FNBP1: variants seen among roughly 807,000 people sequenced by gnomAD.
FNBP1 encodes formin-binding protein 1.
Under a neutral mutation model 90.6 loss-of-function variants are expected in FNBP1, and 26 were observed. That is an observed-to-expected ratio of 0.29 (90% CI 0.21 to 0.40). FNBP1 has a LOEUF of 0.40. Ranked by LOEUF, FNBP1 falls within the 10% of genes least tolerant of loss-of-function variation. The pLI, the probability that FNBP1 is intolerant of heterozygous loss-of-function variation, is 1.00. For synonymous variants in FNBP1, 260 were observed against 265.2 expected (o/e 0.98, Z 0.19); for missense variants, 635 against 768.0 (o/e 0.83, Z 2.05).
chr9:129,897,176 T>C (rs1277408974), intron 15 of FNBP1, among the ~76,000 whole-genome samples: 2 of 152,186 alleles, frequency 1.3e-5, no homozygotes, highest in East Asian at 3.8e-4. Context: ...TTGGATTTCC[T>C]CTCCTTTTTG....
At chr9:129,908,375 T>C (rs1222897541) in intron 12 of FNBP1, among the ~76,000 whole-genome samples, 1 of 150,194 alleles carries the variant, frequency 6.7e-6, no homozygotes, top group African/African-American at 2.4e-5. Context: ...GGCTAGTTTT[T>C]TTCTTTTTTT....
In FNBP1 at chr9:129,966,466, C is replaced by T. The variant is rs1480562521; in HGVS notation, c.346-7913G>A. ...AGTGACAGCCGGATGCAGTGGCTCA[C>T]GCCTGTAATCCCAGCACTTTGGGAG... On this transcript the variant is annotated intron_variant, in intron 4 of 16. Transcript: ENST00000446176. The surrounding 1 kb of genome is among the most constrained non-coding windows in gnomAD (Gnocchi z 4.3). 1.3e-5 allele frequency among the ~76,000 whole-genome samples: 2 copies of T among 152,110 alleles called. No individual in the cohort carries two copies. The highest frequency in any genetic ancestry group is 2.4e-5 in the African/African-American group (1 of 41,408).
At chr9:129,952,848 C>G (rs957484538) in intron 6 of FNBP1, among the ~76,000 whole-genome samples, 1 of 152,018 alleles carries the variant, frequency 6.6e-6, no homozygotes, top group African/African-American at 2.4e-5. Flanking sequence ...TGGCAACATC[C>G]CATAAATGGT....
chr9:129,930,482 T>C (rs1270248487), intron 6 of FNBP1, among the ~76,000 whole-genome samples: 1 of 152,238 alleles, frequency 6.6e-6, no homozygotes, highest in African/African-American at 2.4e-5. Context: ...ATTTAGTATA[T>C]ATGCTAAAGA....
chr9:130,001,584 T>A (rs1256107788), intron 1 of FNBP1, among the ~76,000 whole-genome samples: 1 of 152,080 alleles, frequency 6.6e-6, no homozygotes, highest in Non-Finnish European at 1.5e-5. Flanking sequence ...ACATATATGC[T>A]AAAATTTCTA....
At chr9:129,956,794 C>G (rs2047004695) in intron 6 of FNBP1, among the ~76,000 whole-genome samples, 1 of 152,198 alleles carries the variant, frequency 6.6e-6, no homozygotes. Context: ...GAACGTTGTT[C>G]CCAGACTGTT....
In FNBP1 at chr9:129,887,305, A is replaced by G; in HGVS notation, c.*3234T>C. ...TCTCCAGAGACAAACAGGCAACTCT[A>G]GGACCTTTACAGTGGCGATCGGCCT... On this transcript the variant is annotated 3_prime_UTR_variant, in exon 17 of 17. Coordinates refer to ENST00000446176, the MANE Select transcript of FNBP1 (RefSeq NM_015033.3). The G allele has an allele frequency of 5.1e-6, 1 of 195,352 alleles. No individual in the cohort carries two copies. The highest frequency in any genetic ancestry group is 8.0e-5 in the East Asian group (1 of 12,504). 12.1% of individuals were successfully genotyped at this position (195,352 alleles called of 1,614,324 possible).
intron 12 of FNBP1, 63 bp from the exon 13 acceptor site, chr9:129,903,064 C>T: frequency 6.7e-7 from 1 of 1,488,666 alleles, no homozygotes; most frequent in Admixed American, 2.1e-5. Flanking sequence ...GACAGTTTCA[C>T]TCTTGTCACC....
intron 1 of FNBP1, among the ~76,000 whole-genome samples, chr9:130,022,689 G>GT (rs2057955890): frequency 6.6e-6 from 1 of 151,810 alleles, no homozygotes; most frequent in South Asian, 2.1e-4. Context: ...TTGAGACAGG[G>GT]TTTCACTCTG....
intron 10 of FNBP1, among the ~76,000 whole-genome samples, chr9:129,919,625 T>G (rs1021239901): frequency 6.6e-6 from 1 of 152,240 alleles, no homozygotes; most frequent in Non-Finnish European, 1.5e-5. Context: ...ACAAATAACA[T>G]TTTATCCTGT....
chr9:129,991,278 T>G (rs1181181010), intron 2 of FNBP1, among the ~76,000 whole-genome samples: 1 of 150,792 alleles, frequency 6.6e-6, no homozygotes, highest in Non-Finnish European at 1.5e-5. Flanking sequence ...AATGCAGATT[T>G]TTTTTTTTTT....
chr9:129,900,136 C>T lies in FNBP1; in HGVS notation c.1551-35G>A, dbSNP rs775975769. Reference sequence around the variant, plus strand: ...AAAGGAAAACACAAAGCAACTAAAGCGACTGACCCCAGGGAGGACTCAGAT... The same window carrying T: ...AAAGGAAAACACAAAGCAACTAAAGTGACTGACCCCAGGGAGGACTCAGAT... On this transcript the variant is annotated intron_variant, in intron 14 of 16. Coordinates refer to ENST00000446176, the MANE Select transcript of FNBP1 (RefSeq NM_015033.3). This position sits in a 1 kb window ranked among gnomAD's most constrained non-coding sequence, Gnocchi z 4.1. 6.0e-5 allele frequency: 94 copies of T among 1,561,820 alleles called. No homozygotes were observed. Among genetic ancestry groups the T allele is most frequent in the Non-Finnish European group, 7.5e-5 (86 of 1,153,936 alleles).
intron 16 of FNBP1, chr9:129,895,416 A>C (rs549057088): frequency 5.5e-6 from 6 of 1,097,526 alleles, no homozygotes; most frequent in Admixed American, 1.0e-4. Flanking sequence ...AATGTAGCTC[A>C]GTGTATGGTG....
chr9:129,947,426 G>A (rs2045472573), intron 6 of FNBP1, among the ~76,000 whole-genome samples: 2 of 131,908 alleles, frequency 1.5e-5, no homozygotes, highest in African/African-American at 3.1e-5. Flanking sequence ...GGCAACAAGA[G>A]TAAAACTCCG....
chr9:130,040,018 A>G (rs2059680261), intron 1 of FNBP1, among the ~76,000 whole-genome samples: 1 of 152,002 alleles, frequency 6.6e-6, no homozygotes, highest in Non-Finnish European at 1.5e-5. Flanking sequence ...TCATTATCTC[A>G]TTATACATGT....
intron 2 of FNBP1, among the ~76,000 whole-genome samples, chr9:129,986,332 T>C (rs994118425): frequency 6.6e-6 from 1 of 151,690 alleles, no homozygotes; most frequent in Non-Finnish European, 1.5e-5. Flanking sequence ...CCCAATACTA[T>C]GGGATAAAAT....
intron 2 of FNBP1, among the ~76,000 whole-genome samples, chr9:129,993,792 T>G (rs551966206): frequency 9.1e-4 from 138 of 151,820 alleles, no homozygotes; most frequent in African/African-American, 3.3e-3. Flanking sequence ...GCCCCACTAA[T>G]TTTTGTATTT....
At chr9:130,001,384 C>A (rs993419182) in intron 1 of FNBP1, among the ~76,000 whole-genome samples, 8 of 151,730 alleles carry the variant, frequency 5.3e-5, no homozygotes, top group Non-Finnish European at 1.2e-4. Context: ...AATTTGGAGC[C>A]ACAGCCTTGA....
Position 129,890,246 on chromosome 9 carries a change from GGGC to G in FNBP1, c.*290_*292del. 12 of 504,728 alleles carry G rather than the reference GGGC, an allele frequency of 2.4e-5. No individual in the cohort carries two copies. The highest frequency in any genetic ancestry group is 7.3e-5 in the Admixed American group (2 of 27,224). The allele number at this position is 504,728 out of a possible 1,614,324, so 31.3% of individuals were successfully genotyped here. ...TGAGGGCCCAGGAAGGAGCAGGTAGGGGCGTGTGTCCCACCGTCTCAGTGGCCT... is the reference window on the plus strand; with the variant it reads ...TGAGGGCCCAGGAAGGAGCAGGTAGGGTGTGTCCCACCGTCTCAGTGGCCT... On this transcript the variant is annotated 3_prime_UTR_variant, in exon 17 of 17. Coordinates refer to ENST00000446176, the MANE Select transcript of FNBP1 (RefSeq NM_015033.3). The surrounding 1 kb of genome is among the most constrained non-coding windows in gnomAD (Gnocchi z 5.8).
Sources: allele counts gnomAD v4.1 joint callset (sites outside exome capture counted in the v4.1 genomes callset), GRCh38; gene constraint gnomAD v4.1.1; non-coding constraint Gnocchi (gnomAD v3.1); transcripts MANE v1.5; gene names NCBI Gene and HGNC (gene_info 2026-07-23, HGNC 2026-07-21).